Variants in IMMP1L observed in about 807,000 individuals in gnomAD.
The protein encoded by IMMP1L is mitochondrial inner membrane protease subunit 1.
A neutral mutation model predicts 21.8 loss-of-function variants in IMMP1L; 24 were observed. That is an observed-to-expected ratio of 1.10 (90% CI 0.80 to 1.55). The LOEUF (loss-of-function observed/expected upper bound fraction) is 1.55. IMMP1L is among the 40% of genes most tolerant of loss of function. The pLI is 0.00. For missense variants in IMMP1L, 195 were observed against 200.7 expected (o/e 0.97, Z 0.17); for synonymous variants, 46 against 62.8 (o/e 0.73, Z 1.26).
intron 1 of IMMP1L, among the ~76,000 whole-genome samples, chr11:31,476,528 T>A (rs1463423035): frequency 6.6e-6 from 1 of 152,070 alleles, no homozygotes; most frequent in Non-Finnish European, 1.5e-5. Flanking sequence ...ATTATTTTTA[T>A]AATTTCAAGA....
At chr11:31,463,421 G>A in intron 1 of IMMP1L, 116 bp from the exon 2 acceptor site, 1 of 940,392 alleles carries the variant, frequency 1.1e-6, no homozygotes, top group Non-Finnish European at 1.5e-6. Flanking sequence ...AATACAATTT[G>A]GTGCAGGAAA....
intron 1 of IMMP1L, among the ~76,000 whole-genome samples, chr11:31,478,432 C>G (rs968665625): frequency 8.5e-5 from 13 of 152,150 alleles, no homozygotes; most frequent in Admixed American, 7.2e-4. Flanking sequence ...AAATTAACAT[C>G]TTGTTTGCTG....
chr11:31,478,816 T>G (rs1173224031), intron 1 of IMMP1L, among the ~76,000 whole-genome samples: 1 of 152,150 alleles, frequency 6.6e-6, no homozygotes, highest in Non-Finnish European at 1.5e-5. Context: ...CTTGATCATT[T>G]TATAACTATA....
intron 1 of IMMP1L, among the ~76,000 whole-genome samples, chr11:31,465,184 C>T (rs1249592021): frequency 6.6e-6 from 1 of 151,796 alleles, no homozygotes; most frequent in Non-Finnish European, 1.5e-5. Context: ...ATCAATAAAG[C>T]AACCCCACCT....
At position 31,471,874 on chromosome 11, in the gene IMMP1L, G is replaced by A. The variant is rs1178409175; in HGVS notation, c.-29-8569C>T. ...AGTTGATAGGTCAGAAGTCTAACAT[G>A]GGTACCACTGGGCTAAAAAATCAAG... On this transcript the variant is annotated intron_variant, in intron 1 of 5. Transcript: ENST00000532287. Among the ~76,000 whole-genome samples the A allele has an allele frequency of 2.0e-5, 3 of 152,242 alleles. No individual in the cohort carries two copies. The East Asian group carries it at 5.8e-4, about 29-fold the overall frequency.
intron 3 of IMMP1L, among the ~76,000 whole-genome samples, chr11:31,456,679 T>C (rs2133634165): frequency 6.6e-6 from 1 of 151,872 alleles, no homozygotes; most frequent in East Asian, 1.9e-4. Flanking sequence ...GTATCCAGTA[T>C]GCTTTACTCC....
rs184310904 is a variant in IMMP1L at position 31,434,930 on chromosome 11, T to C, written c.322-1360A>G. ...TGTGCAGTGAAGTGTAAGACTGCTC[T>C]AGTAGGAAAGTGTGTACATCACAGT... On this transcript the variant is annotated intron_variant, in intron 4 of 5. Coordinates refer to ENST00000532287, the MANE Select transcript of IMMP1L (RefSeq NM_001304274.2). Among the ~76,000 whole-genome samples, 11 of 152,256 alleles carry C rather than the reference T, an allele frequency of 7.2e-5. No individual in the cohort carries two copies. The East Asian group carries it at 2.1e-3, about 29-fold the overall frequency.
chr11:31,436,233 C>T (rs1953112779), intron 4 of IMMP1L, among the ~76,000 whole-genome samples: 2 of 152,034 alleles, frequency 1.3e-5, no homozygotes, highest in Non-Finnish European at 2.9e-5. Context: ...GCAGTATTTA[C>T]TTTTATATCC....
chr11:31,432,578 C>T lies in IMMP1L; in HGVS notation c.433-10G>A. The T allele has an allele frequency of 6.3e-7, 1 of 1,597,068 alleles. No individual in the cohort carries two copies. ...CACTCAGAGGCCAAATCTGTAAAAT[C>T]AAAATGAGGTTGAAGACAATTAGTG... is the stretch of plus-strand genomic sequence containing the variant. On this transcript the variant is annotated splice_polypyrimidine_tract_variant and intron_variant, in intron 5 of 5. Transcript: ENST00000532287.
chr11:31,459,244 T>C (rs1281758064), intron 3 of IMMP1L, among the ~76,000 whole-genome samples: 2 of 152,122 alleles, frequency 1.3e-5, no homozygotes, highest in African/African-American at 2.4e-5. Flanking sequence ...CTAAGGCTGG[T>C]GAAAGATCAG....
intron 1 of IMMP1L, among the ~76,000 whole-genome samples, chr11:31,506,432 A>T (rs939145798): frequency 1.3e-5 from 2 of 151,694 alleles, no homozygotes; most frequent in East Asian, 3.9e-4. Context: ...GGGTTTCACC[A>T]TGTTAGCCAG....
intron 4 of IMMP1L, among the ~76,000 whole-genome samples, chr11:31,442,535 A>C (rs1267380011): frequency 3.3e-5 from 5 of 152,232 alleles, no homozygotes; most frequent in Non-Finnish European, 7.3e-5. Flanking sequence ...AAGTTTCAAA[A>C]ACCAGAAAAT....
chr11:31,445,025 C>G (rs1416090230), intron 4 of IMMP1L, among the ~76,000 whole-genome samples: 1 of 151,970 alleles, frequency 6.6e-6, no homozygotes, highest in Non-Finnish European at 1.5e-5. Context: ...ATGTTACCTG[C>G]TATTTTGAGA....
At chr11:31,499,184 G>A (rs1428122866) in intron 1 of IMMP1L, among the ~76,000 whole-genome samples, 1 of 152,110 alleles carries the variant, frequency 6.6e-6, no homozygotes, top group Admixed American at 6.5e-5. Flanking sequence ...CTAAAATGGT[G>A]AAACCCGGTC....
intron 4 of IMMP1L, among the ~76,000 whole-genome samples, chr11:31,434,956 C>T (rs1953070417): frequency 6.6e-6 from 1 of 151,868 alleles, no homozygotes; most frequent in African/African-American, 2.4e-5. Context: ...ACATCACAGT[C>T]ATCAAAAAAG....
In IMMP1L at chr11:31,458,236, A is replaced by G. The variant is rs1299077541; in HGVS notation, c.195-1850T>C. 7.2e-5 allele frequency among the ~76,000 whole-genome samples: 11 copies of G among 152,278 alleles called. No individual in the cohort carries two copies. In the East Asian group the frequency reaches 1.7e-3, roughly 24 times the overall value. ...ATGCATAGCGTTTAGATCAAAATAC[A>G]TATCGGCTGGATTCTTAACTCCTTC... On this transcript the variant is annotated intron_variant, in intron 3 of 5. Transcript: ENST00000532287.
intron 1 of IMMP1L, among the ~76,000 whole-genome samples, chr11:31,473,295 C>A (rs563439027): frequency 6.6e-6 from 1 of 152,068 alleles, no homozygotes; most frequent in East Asian, 1.9e-4. Flanking sequence ...GTGATCCGCC[C>A]GCCTCAGCCT....
At chr11:31,473,264 T>G (rs1282457110) in intron 1 of IMMP1L, among the ~76,000 whole-genome samples, 1 of 152,096 alleles carries the variant, frequency 6.6e-6, no homozygotes, top group African/African-American at 2.4e-5. Flanking sequence ...TTAGCCAGGA[T>G]GGTCTTCATC....
At chr11:31,491,458 G>A (rs144592516) in intron 1 of IMMP1L, among the ~76,000 whole-genome samples, 1 of 152,292 alleles carries the variant, frequency 6.6e-6, no homozygotes, top group African/African-American at 2.4e-5. Flanking sequence ...AGAAAACTTG[G>A]CTGAAATGGG....
Sources: allele counts gnomAD v4.1 joint callset (sites outside exome capture counted in the v4.1 genomes callset), GRCh38; gene constraint gnomAD v4.1.1; transcripts MANE v1.5; gene names NCBI Gene and HGNC (gene_info 2026-07-23, HGNC 2026-07-21).